DGKG: variants seen among roughly 807,000 people sequenced by gnomAD.
DGKG encodes DAG kinase gamma.
In DGKG, 78 loss-of-function variants were observed where a neutral mutation model predicts 105.3. The ratio of observed to expected loss-of-function variants is 0.74; its 90% CI spans 0.62 to 0.89. DGKG has a LOEUF of 0.89. DGKG is among the 40% of genes least tolerant of loss of function. The probability of loss-of-function intolerance (pLI) is 0.00; values close to 1 mark genes in which losing one functional copy is unlikely to be tolerated. For synonymous variants in DGKG, 346 were observed against 367.1 expected (o/e 0.94, Z 0.66); for missense variants, 958 against 1,020.1 (o/e 0.94, Z 0.83).
At chr3:186,290,460 G>T (rs945992495) in intron 5 of DGKG, among the ~76,000 whole-genome samples, 3 of 152,138 alleles carry the variant, frequency 2.0e-5, no homozygotes, top group African/African-American at 4.8e-5. Context: ...ACTAAAATGG[G>T]CTAACAGAGA....
rs184185857 is a variant in DGKG, at chr3:186,169,479, A to G, written c.2096-4461T>C. The stretch of plus-strand genomic sequence containing the variant: ...ACTGCTCTTCACAGTTATAAAAATA[A>G]TGCTCACATTCCCTGGTTTGATGCC... On this transcript the variant is annotated intron_variant, in intron 22 of 24. Transcript: ENST00000265022. Among the ~76,000 whole-genome samples the G allele has an allele frequency of 4.6e-5, 7 of 152,386 alleles. No individual in the cohort carries two copies. The East Asian group carries it at 1.2e-3, about 25-fold the overall frequency.
intron 20 of DGKG, among the ~76,000 whole-genome samples, chr3:186,216,208 C>T (rs1001760718): frequency 4.6e-5 from 7 of 152,126 alleles, no homozygotes; most frequent in Non-Finnish European, 8.8e-5. Flanking sequence ...CCATGTTGGC[C>T]GGGCTGGTCT....
intron 1 of DGKG, among the ~76,000 whole-genome samples, chr3:186,322,697 C>T (rs1022897989): frequency 1.3e-5 from 2 of 152,152 alleles, no homozygotes; most frequent in Non-Finnish European, 2.9e-5. Flanking sequence ...CGGCATGCTG[C>T]GGCAGCCCTG....
At chr3:186,174,100 C>T (rs566536899) in intron 22 of DGKG, among the ~76,000 whole-genome samples, 3 of 152,334 alleles carry the variant, frequency 2.0e-5, no homozygotes, top group Admixed American at 2.0e-4. Context: ...TGGGTCTGAT[C>T]CTGTCACTTG....
rs1328890645 is a variant in DGKG at position 186,226,788 on chromosome 3, T to C, written c.1827-14903A>G. Among the ~76,000 whole-genome samples the C allele has an allele frequency of 6.6e-6, 1 of 152,252 alleles. No homozygotes were observed. The highest frequency in any genetic ancestry group is 1.5e-5 in the Non-Finnish European group (1 of 68,048). ...TTTAACAGAATAGAAAACATCTTGT[T>C]ACTAGAGAGTGAAGAATTTCAATCT... is the stretch of plus-strand genomic sequence containing the variant. On this transcript the variant is annotated intron_variant, in intron 20 of 24. Coordinates refer to ENST00000265022, the MANE Select transcript of DGKG (RefSeq NM_001346.3). The surrounding 1 kb of genome is among the most constrained non-coding windows in gnomAD (Gnocchi z 4.2).
chr3:186,191,023 C>A (rs1341093003), intron 21 of DGKG, among the ~76,000 whole-genome samples: 1 of 151,942 alleles, frequency 6.6e-6, no homozygotes, highest in African/African-American at 2.4e-5. Context: ...GGGAAGATGC[C>A]TCTCATCTTT....
At chr3:186,158,748 A>G in intron 24 of DGKG, 1 of 967,500 alleles carries the variant, frequency 1.0e-6, no homozygotes, top group Non-Finnish European at 1.2e-6. Flanking sequence ...TTCTATATCA[A>G]CCTTTTCTCA....
At chr3:186,293,103 C>T (rs921858894) in intron 5 of DGKG, among the ~76,000 whole-genome samples, 1 of 152,198 alleles carries the variant, frequency 6.6e-6, no homozygotes, top group Non-Finnish European at 1.5e-5. Context: ...TTTGTTACAG[C>T]TGATGAATAC....
At chr3:186,248,376 A>C (rs1360908535) in intron 19 of DGKG, among the ~76,000 whole-genome samples, 1 of 152,306 alleles carries the variant, frequency 6.6e-6, no homozygotes, top group East Asian at 1.9e-4. Flanking sequence ...CGTTGCTTAG[A>C]GGGCTAGTTC....
chr3:186,270,390 A>G (rs566591573), intron 11 of DGKG, among the ~76,000 whole-genome samples: 2 of 152,308 alleles, frequency 1.3e-5, no homozygotes, highest in Non-Finnish European at 2.9e-5. Flanking sequence ...TCAGCCTCCT[A>G]AAGTTCTGGG....
At chr3:186,269,800 G>A (rs1189103247) in intron 11 of DGKG, among the ~76,000 whole-genome samples, 1 of 152,198 alleles carries the variant, frequency 6.6e-6, no homozygotes, top group Admixed American at 6.5e-5. Flanking sequence ...TCCGTGACCA[G>A]GAAAGACCAC....
chr3:186,225,600 C>G (rs1719820545), intron 20 of DGKG, among the ~76,000 whole-genome samples: 1 of 152,168 alleles, frequency 6.6e-6, no homozygotes, highest in Non-Finnish European at 1.5e-5. Context: ...TCTGTTAATA[C>G]TGGATTGCTT....
intron 2 of DGKG, among the ~76,000 whole-genome samples, chr3:186,319,964 T>C (rs1170640840): frequency 1.3e-5 from 2 of 152,266 alleles, no homozygotes; most frequent in East Asian, 3.8e-4. Context: ...ATTGTAGCCA[T>C]GCAGCATGCA....
At chr3:186,245,697 G>A (rs1469443726) in intron 19 of DGKG, among the ~76,000 whole-genome samples, 1 of 152,160 alleles carries the variant, frequency 6.6e-6, no homozygotes, top group Non-Finnish European at 1.5e-5. Flanking sequence ...GGAAGGTATG[G>A]ACATAGAGCC....
chr3:186,252,990 G>A lies in DGKG; in HGVS notation c.1600+103C>T, dbSNP rs140606268. The A allele has an allele frequency of 2.2e-4, 209 of 950,498 alleles. No homozygotes were observed. The African/African-American group carries it at 2.6e-3, about 12-fold the overall frequency. 58.9% of individuals were successfully genotyped at this position (950,498 alleles called of 1,614,324 possible). On this transcript the variant is annotated intron_variant, in intron 18 of 24. Coordinates refer to ENST00000265022, the MANE Select transcript of DGKG (RefSeq NM_001346.3). ...ACTGCAGAGTTGAGTATTATGCTGC[G>A]GAATGTGATCCATAAAAGGGTAAGT...
chr3:186,266,003 T>C (rs1313196639), intron 13 of DGKG, among the ~76,000 whole-genome samples: 2 of 152,170 alleles, frequency 1.3e-5, no homozygotes, highest in Non-Finnish European at 2.9e-5. Context: ...CACTATCTAA[T>C]GATATGATAT....
chr3:186,295,887 A>T (rs1029481895), intron 5 of DGKG, among the ~76,000 whole-genome samples: 1 of 152,126 alleles, frequency 6.6e-6, no homozygotes, highest in South Asian at 2.1e-4. Context: ...TGGGTGGATC[A>T]CTTGAGGTCA....
chr3:186,164,867 G>A (rs1314252411), intron 23 of DGKG, 31 bp downstream of exon 23: 3 of 1,594,862 alleles, frequency 1.9e-6, no homozygotes, highest in East Asian at 2.2e-5. Flanking sequence ...GCGGGGAGAT[G>A]CAGAGGCTGT....
intron 1 of DGKG, among the ~76,000 whole-genome samples, chr3:186,333,486 A>C (rs548148719): frequency 6.6e-6 from 1 of 152,314 alleles, no homozygotes; most frequent in Admixed American, 6.5e-5. Flanking sequence ...GAAAACTGTC[A>C]TCATGCCACA....
Sources: gnomAD v4.1 joint callset for allele counts (sites outside exome capture counted in the v4.1 genomes callset) on GRCh38, gnomAD v4.1.1 for gene constraint, Gnocchi (gnomAD v3.1) non-coding constraint, MANE v1.5 for transcripts, NCBI Gene and HGNC (gene_info 2026-07-23, HGNC 2026-07-21) for gene names.